The following MTCL2 variants were observed in gnomAD, a reference collection of about 807,000 sequenced individuals.
MTCL2 encodes the protein microtubule crosslinking factor 2, also known as microtubule cross-linking factor 2.
chr20:36,809,887 T>G, the MTCL2 span: 1 of 1,462,080 alleles, frequency 6.8e-7, no homozygotes, highest in Non-Finnish European at 9.2e-7. Flanking sequence ...CCTGACTTTC[T>G]TGACTTCAGA....
the MTCL2 span, among the ~76,000 whole-genome samples, chr20:36,839,896 C>G: frequency 6.6e-6 from 1 of 152,198 alleles, no homozygotes; most frequent in East Asian, 1.9e-4. This position sits in a 1 kb window ranked among gnomAD's most constrained non-coding sequence, Gnocchi z 5.1. Context: ...GAGTCTCACT[C>G]TGTTGCCCAG....
At chr20:36,837,281 C>T in the MTCL2 span, among the ~76,000 whole-genome samples, 1 of 152,168 alleles carries the variant, frequency 6.6e-6, no homozygotes, top group African/African-American at 2.4e-5. Context: ...GAGTTCTCAC[C>T]ACCAGACCAG....
At chr20:36,815,401 G>A in the MTCL2 span, 1 of 1,613,088 alleles carries the variant, frequency 6.2e-7, no homozygotes, top group Non-Finnish European at 8.5e-7. The surrounding 1 kb of genome is among the most constrained non-coding windows in gnomAD (Gnocchi z 5.3). Flanking sequence ...CACAGCCGGA[G>A]GCCAGCCGTG....
At chr20:36,797,462 C>A in the MTCL2 span, 48,484 of 1,548,624 alleles carry the variant, frequency 0.031, 872 homozygotes, top group Middle Eastern at 0.045. Context: ...TATGGTGCAG[C>A]CAGGAGCCAA....
the MTCL2 span, among the ~76,000 whole-genome samples, chr20:36,802,463 T>C: frequency 7.9e-5 from 12 of 152,070 alleles, no homozygotes; most frequent in Non-Finnish European, 1.5e-4. Context: ...AATTTTCCCA[T>C]GGGAACCACT....
the MTCL2 span, chr20:36,793,267 G>A: frequency 3.2e-6 from 5 of 1,551,564 alleles, no homozygotes; most frequent in South Asian, 2.4e-5. This position sits in a 1 kb window ranked among gnomAD's most constrained non-coding sequence, Gnocchi z 6.8. Flanking sequence ...GAAGGACCAC[G>A]GCTCCATCTC....
chr20:36,842,976 A>T, the MTCL2 span, among the ~76,000 whole-genome samples: 2 of 152,126 alleles, frequency 1.3e-5, no homozygotes, highest in Admixed American at 1.3e-4. Context: ...CTTTCCCCAA[A>T]GAAAACGGAA....
the MTCL2 span, chr20:36,777,693 C>T: frequency 2.0e-6 from 1 of 509,888 alleles, no homozygotes; most frequent in Non-Finnish European, 3.5e-6. Flanking sequence ...CCTTCCCTCC[C>T]ATGGGCCTTG....
the MTCL2 span, chr20:36,797,554 G>A: frequency 6.4e-7 from 1 of 1,557,260 alleles, no homozygotes; most frequent in Non-Finnish European, 8.7e-7. Context: ...CAGGACCCAG[G>A]GGTCGGCAGC....
chr20:36,839,119 G>T, the MTCL2 span: 1 of 1,100,424 alleles, frequency 9.1e-7, no homozygotes, highest in Non-Finnish European at 1.3e-6. The surrounding 1 kb of genome is among the most constrained non-coding windows in gnomAD (Gnocchi z 5.1). Context: ...GGTAGAACTT[G>T]GCCATGGACA....
chr20:36,847,412 G>T, the MTCL2 span, among the ~76,000 whole-genome samples: 1 of 152,150 alleles, frequency 6.6e-6, no homozygotes, highest in South Asian at 2.1e-4. Context: ...ATTTTAGGTT[G>T]TATTTGTCTG....
chr20:36,823,812 C>CA, the MTCL2 span, among the ~76,000 whole-genome samples: 283 of 152,102 alleles, frequency 1.9e-3, no homozygotes, highest in African/African-American at 6.5e-3. Context: ...TTGTCTCCCC[C>CA]AAAAATAATA....
chr20:36,807,865 CTTTTTTTTTTTTTTTTT>C, the MTCL2 span, among the ~76,000 whole-genome samples: 1 of 53,510 alleles, frequency 1.9e-5, no homozygotes, highest in Non-Finnish European at 3.5e-5. Context: ...GAAACCCTGT[CTTTTTTTTTTTTTTTTT>C]TTTTTTTTTT....
At chr20:36,840,429 A>G in the MTCL2 span, among the ~76,000 whole-genome samples, 2 of 150,606 alleles carry the variant, frequency 1.3e-5, no homozygotes, top group African/African-American at 4.9e-5. Flanking sequence ...CGGCCTCCCA[A>G]ATTGCTGGGA....
chr20:36,789,388 G>T, the MTCL2 span, among the ~76,000 whole-genome samples: 1 of 152,176 alleles, frequency 6.6e-6, no homozygotes, highest in South Asian at 2.1e-4. Flanking sequence ...TCAGCCAGGC[G>T]CAGTGGCTCA....
At chr20:36,815,867 C>T in the MTCL2 span, 1 of 1,605,774 alleles carries the variant, frequency 6.2e-7, no homozygotes, top group Non-Finnish European at 8.5e-7. The surrounding 1 kb of genome is among the most constrained non-coding windows in gnomAD (Gnocchi z 5.3). Context: ...AGCGCCGCAG[C>T]AGCTCGGCCT....
the MTCL2 span, among the ~76,000 whole-genome samples, chr20:36,853,127 G>A: frequency 6.6e-6 from 1 of 151,260 alleles, no homozygotes; most frequent in African/African-American, 2.4e-5. Context: ...CGTGCCACAT[G>A]ATGTCCCCAC....
chr20:36,819,001 G>A, the MTCL2 span, among the ~76,000 whole-genome samples: 2 of 152,162 alleles, frequency 1.3e-5, no homozygotes, highest in South Asian at 2.1e-4. Flanking sequence ...CTGAGATACC[G>A]TTTCTCACCT....
the MTCL2 span, among the ~76,000 whole-genome samples, chr20:36,841,136 CCT>C: frequency 7.9e-6 from 1 of 126,194 alleles, no homozygotes; most frequent in Non-Finnish European, 1.6e-5. Context: ...ATGGTGAAAC[CCT>C]GTCTCTACTA....
Sources: allele counts gnomAD v4.1 joint callset (sites outside exome capture counted in the v4.1 genomes callset), GRCh38; gene constraint gnomAD v4.1.1; non-coding constraint Gnocchi (gnomAD v3.1); transcripts MANE v1.5; gene names NCBI Gene and HGNC (gene_info 2026-07-23, HGNC 2026-07-21).